KCTD3: variants seen among roughly 807,000 people sequenced by gnomAD.
KCTD3 encodes the protein potassium channel tetramerization domain containing 3.
A neutral mutation model predicts 85.8 loss-of-function variants in KCTD3; 41 were observed. The observed-to-expected ratio is 0.48, with a 90% CI of 0.37 to 0.62. The LOEUF (loss-of-function observed/expected upper bound fraction) is 0.62, where lower values mean the gene tolerates loss of function less well. KCTD3 is among the 20% of genes least tolerant of loss of function. The pLI, the probability that KCTD3 is intolerant of heterozygous loss-of-function variation, is 0.00. For synonymous variants in KCTD3, 338 were observed against 345.4 expected, an observed-to-expected ratio of 0.98 and a Z score of 0.24; for missense variants, 724 against 989.9, an observed-to-expected ratio of 0.73 and a Z score of 3.60.
rs748383926 is a variant in KCTD3 at position 215,607,978 on chromosome 1, A to G, written c.1310-39A>G. On this transcript the variant is annotated intron_variant, in intron 13 of 17. Transcript: ENST00000259154. The stretch of plus-strand genomic sequence containing the variant: ...AAAAAAGTTAAAATGAGTTTTTAAA[A>G]GTAATTTTGTATTCTTTTGTGTTCT... 19 of 1,552,386 alleles carry G rather than the reference A, an allele frequency of 1.2e-5. No individual in the cohort carries two copies. In the African/African-American group the frequency reaches 2.2e-4, roughly 18 times the overall value.
At chr1:215,608,685 C>T (rs373510305) in intron 14 of KCTD3, among the ~76,000 whole-genome samples, 33 of 151,890 alleles carry the variant, frequency 2.2e-4, no homozygotes, top group African/African-American at 1.4e-4. Flanking sequence ...ACCATACATA[C>T]GTGTGCACAT....
At chr1:215,611,722 G>C in intron 14 of KCTD3, 103 bp from the exon 15 acceptor site, 1 of 689,056 alleles carries the variant, frequency 1.5e-6, no homozygotes, top group Non-Finnish European at 2.5e-6. Flanking sequence ...ATATTGGTAC[G>C]TATAAGAAAT....
intron 9 of KCTD3, among the ~76,000 whole-genome samples, chr1:215,589,780 T>G (rs1026211717): frequency 4.6e-5 from 7 of 152,236 alleles, no homozygotes. Flanking sequence ...TGTCTGTTCC[T>G]TTTTATTGCT....
In KCTD3 at chr1:215,597,548, T is replaced by C. The variant is rs910304833; in HGVS notation, c.933+2077T>C. Among the ~76,000 whole-genome samples, 20 of 151,324 alleles carry C rather than the reference T, an allele frequency of 1.3e-4. 1 individual carries two copies. The East Asian group carries it at 3.3e-3, about 25-fold the overall frequency. On this transcript the variant is annotated intron_variant, in intron 10 of 17. Coordinates refer to ENST00000259154, the MANE Select transcript of KCTD3 (RefSeq NM_016121.5). ...TACTTCCTAAAGAATCAGATAACTC[T>C]GTGTGTATTCTGAGAAATAAGAGAT...
chr1:215,580,862 T>C, intron 8 of KCTD3: 1 of 343,362 alleles, frequency 2.9e-6, no homozygotes, highest in Non-Finnish European at 5.9e-6. Context: ...TTTTTAAAAA[T>C]CTGAATTTAT....
intron 15 of KCTD3, among the ~76,000 whole-genome samples, chr1:215,617,096 C>T (rs1433555552): frequency 6.6e-6 from 1 of 152,248 alleles, no homozygotes; most frequent in African/African-American, 2.4e-5. Context: ...TTCCAGATAG[C>T]TGAAAACCTG....
intron 9 of KCTD3, among the ~76,000 whole-genome samples, chr1:215,591,768 T>C (rs1390544452): frequency 1.3e-5 from 2 of 152,218 alleles, no homozygotes; most frequent in Admixed American, 6.5e-5. Context: ...CACAGTTCCC[T>C]TCCTTCTTGT....
intron 9 of KCTD3, among the ~76,000 whole-genome samples, chr1:215,592,577 C>T (rs1316403425): frequency 6.6e-6 from 1 of 151,934 alleles, no homozygotes; most frequent in African/African-American, 2.4e-5. Flanking sequence ...TGTAACATAC[C>T]AATAAGTGAA....
chr1:215,582,593 G>C (rs546946801), intron 8 of KCTD3, among the ~76,000 whole-genome samples: 1 of 151,988 alleles, frequency 6.6e-6, no homozygotes, highest in Non-Finnish European at 1.5e-5. Flanking sequence ...ACAGAGTCTT[G>C]CACTGTCACC....
intron 15 of KCTD3, among the ~76,000 whole-genome samples, chr1:215,617,594 A>C (rs916567076): frequency 6.6e-6 from 1 of 151,754 alleles, no homozygotes; most frequent in Non-Finnish European, 1.5e-5. Context: ...TTTTGAGGTG[A>C]AAACATTAGA....
intron 10 of KCTD3, among the ~76,000 whole-genome samples, chr1:215,599,987 G>A (rs1333406361): frequency 6.6e-6 from 1 of 152,028 alleles, no homozygotes; most frequent in African/African-American, 2.4e-5. Flanking sequence ...TGGGGCAGGA[G>A]TTGAAGCCCT....
intron 8 of KCTD3, among the ~76,000 whole-genome samples, chr1:215,585,089 C>G (rs986691113): frequency 7.9e-5 from 12 of 151,740 alleles, no homozygotes; most frequent in African/African-American, 2.9e-4. Flanking sequence ...ATCCAGACCC[C>G]CAAAAAAGAG....
chr1:215,574,225 A>G (rs1400076063), intron 3 of KCTD3, 107 bp downstream of exon 3: 1 of 631,912 alleles, frequency 1.6e-6, no homozygotes, highest in Admixed American at 2.8e-5. Flanking sequence ...TTTAATAATC[A>G]CTGAATGAAA....
At chr1:215,608,812 G>T (rs1435939995) in intron 14 of KCTD3, among the ~76,000 whole-genome samples, 1 of 151,926 alleles carries the variant, frequency 6.6e-6, no homozygotes, top group Non-Finnish European at 1.5e-5. Flanking sequence ...CTACTTAAGA[G>T]AATTCTACTA....
At position 215,595,397 on chromosome 1, in the gene KCTD3, A is replaced by G. The variant is rs1294936605; in HGVS notation, c.859A>G (p.Ile287Val). 1 of 1,613,516 alleles carries G rather than the reference A, an allele frequency of 6.2e-7. No homozygotes were observed. The highest frequency in any genetic ancestry group is 8.5e-7 in the Non-Finnish European group (1 of 1,179,682). ...TGTTCCTGTAGATGCTCTCTTCTTT[A>G]TTGGTAACCAGTTGGTGGCCACGAG... ...LGVPVDALFF[I>V]GNQLVATSHT... Residue 287 changes from isoleucine (I) to valine (V), a missense_variant, in exon 10 of 18, where the codon ATT (isoleucine) becomes GTT (valine). Transcript: ENST00000259154.
intron 9 of KCTD3, among the ~76,000 whole-genome samples, chr1:215,589,841 C>T (rs963654642): frequency 6.6e-6 from 1 of 152,094 alleles, no homozygotes; most frequent in Non-Finnish European, 1.5e-5. Flanking sequence ...TCCATTCACC[C>T]GTTGATAGAC....
At chr1:215,583,602 G>A (rs1442803516) in intron 8 of KCTD3, among the ~76,000 whole-genome samples, 1 of 152,130 alleles carries the variant, frequency 6.6e-6, no homozygotes, top group African/African-American at 2.4e-5. Flanking sequence ...ATGCAGCCCA[G>A]CAGGTCTCAG....
intron 1 of KCTD3, among the ~76,000 whole-genome samples, chr1:215,569,593 CTTT>C (rs754210465): frequency 3.8e-5 from 5 of 130,506 alleles, no homozygotes; most frequent in East Asian, 2.3e-4. Context: ...GGCACTGTAA[CTTT>C]TTTTTTTTTT....
At position 215,601,927 on chromosome 1, in the gene KCTD3, T is replaced by G; in HGVS notation, c.994T>G (p.Cys332Gly). 1 of 1,605,174 alleles carries G rather than the reference T, an allele frequency of 6.2e-7. No individual in the cohort carries two copies. Among genetic ancestry groups the G allele is most frequent in the Non-Finnish European group, 8.5e-7 (1 of 1,172,304 alleles). The change falls in exon 11 of 18, where the codon TGT (cysteine) becomes GGT (glycine). Residue 332 changes from cysteine (C) to glycine (G), a missense_variant. Around this residue, in one of 6 missense-constraint regions of KCTD3, gnomAD observed 146 missense variants for 320.3 expected, o/e 0.46. Transcript: ENST00000259154. ...TGCTGGATCATTCCTTCTGCTTGGATGTAACAATGGATCAATATATTACAT... is the reference window on the plus strand; with the variant it reads ...TGCTGGATCATTCCTTCTGCTTGGAGGTAACAATGGATCAATATATTACAT... ...DTAGSFLLLGCNNGSIYYIDM... is the reference protein window; with the variant it reads ...DTAGSFLLLGGNNGSIYYIDM...
Sources: gnomAD v4.1 joint callset for allele counts (sites outside exome capture counted in the v4.1 genomes callset) on GRCh38, gnomAD v4.1.1 for gene constraint, gnomAD v4.1.1 regional missense constraint, MANE v1.5 for transcripts, NCBI Gene and HGNC (gene_info 2026-07-23, HGNC 2026-07-21) for gene names.